ZNF648: variants seen among roughly 807,000 people sequenced by gnomAD.
The protein encoded by ZNF648 is zinc finger protein 648.
A neutral mutation model predicts 0.3 loss-of-function variants in ZNF648; 1 was observed. The ratio of observed to expected loss-of-function variants is 3.90; its 90% CI spans 1.39 to 18.51. The LOEUF is 18.51. Ranked by LOEUF, ZNF648 falls within the 30% of genes most tolerant of loss-of-function variation. ZNF648 has a pLI of 0.11. For synonymous variants in ZNF648, 376 were observed against 326.8 expected (o/e 1.15, Z -1.62); for missense variants, 874 against 769.7 (o/e 1.14, Z -1.60).
chr1:182,063,423 G>A (rs1200889054), upstream of ZNF648: 1 of 152,162 alleles, frequency 6.6e-6, no homozygotes, highest in Non-Finnish European at 1.5e-5. Flanking sequence ...GTATCTCATT[G>A]TGGTTTTAAT....
chr1:182,066,018 G>A (rs570652685), upstream of ZNF648, among the ~76,000 whole-genome samples: 142 of 152,328 alleles, frequency 9.3e-4, no homozygotes, highest in African/African-American at 3.3e-3. Flanking sequence ...CCTGCTTTTA[G>A]GAACTTCTGA....
chr1:182,056,513 C>T lies in ZNF648; in HGVS notation c.1498G>A (p.Gly500Arg), dbSNP rs751491498. 4.0e-5 allele frequency: 64 copies of T among 1,613,676 alleles called. No individual in the cohort carries two copies. The highest frequency in any genetic ancestry group is 4.3e-5 in the Non-Finnish European group (51 of 1,179,904). The change falls in exon 2 of 2, where the codon GGG (glycine) becomes AGG (arginine). Residue 500 changes from glycine to arginine, a missense_variant. Coordinates refer to ENST00000339948, the MANE Select transcript of ZNF648 (RefSeq NM_001009992.1). Reference sequence around the variant, plus strand: ...TCGGCACAGAGGAATCCCTTCTCCCCGGAGTGGATCTGTTGGTGCCGCTTC... The same window carrying T: ...TCGGCACAGAGGAATCCCTTCTCCCTGGAGTGGATCTGTTGGTGCCGCTTC... ...TLKRHQQIHS[G>R]EKGFLCAECG...
chr1:182,062,094 CA>C (rs1666039351), upstream of ZNF648, among the ~76,000 whole-genome samples: 1 of 152,170 alleles, frequency 6.6e-6, no homozygotes, highest in African/African-American at 2.4e-5. Context: ...CCACCTTTTG[CA>C]GGACTGTGAG....
chr1:182,066,244 T>C (rs10911010), upstream of ZNF648, among the ~76,000 whole-genome samples: 20,998 of 152,152 alleles, frequency 0.14, 1,624 homozygotes, highest in East Asian at 0.28. Context: ...GAGAAGGGCA[T>C]TTGATGGGCA....
chr1:182,059,344 T>G (rs1483743124), intron 1 of ZNF648, among the ~76,000 whole-genome samples: 1 of 152,138 alleles, frequency 6.6e-6, no homozygotes, highest in African/African-American at 2.4e-5. Context: ...CTTGAAGACA[T>G]GGAGAAAGCC....
intron 1 of ZNF648, among the ~76,000 whole-genome samples, chr1:182,060,466 C>T (rs1448146248): frequency 6.6e-6 from 1 of 152,156 alleles, no homozygotes; most frequent in African/African-American, 2.4e-5. Flanking sequence ...TGGAGGAATC[C>T]TCACTTTCTG....
At chr1:182,063,868 G>A (rs1165201209), upstream of ZNF648, 1 of 152,070 alleles carries the variant, frequency 6.6e-6, no homozygotes, top group Admixed American at 6.6e-5. Context: ...TTCATCTAGT[G>A]TTAATTTTTG....
chr1:182,057,148 T>A lies in ZNF648; in HGVS notation c.863A>T (p.Tyr288Phe). The A allele has an allele frequency of 6.2e-7, 1 of 1,602,098 alleles. No homozygotes were observed. The highest frequency in any genetic ancestry group is 8.5e-7 in the Non-Finnish European group (1 of 1,178,724). ...CTGCTGGAGTGTGCCGCGGTGGGAG[T>A]AGGCCTTCCCGCATAGCTCGCACGC... ...RYACELCGKA[Y>F]SHRGTLQQHR... Residue 288 changes from tyrosine (Y) to phenylalanine (F), a missense_variant, in exon 2 of 2, where the codon TAC becomes TTC. Coordinates refer to ENST00000339948, the MANE Select transcript of ZNF648 (RefSeq NM_001009992.1).
At position 182,057,478 on chromosome 1, in the gene ZNF648, T is replaced by C. The variant is rs368722558; in HGVS notation, c.533A>G (p.Lys178Arg). 9.9e-6 allele frequency: 16 copies of C among 1,614,104 alleles called. No homozygotes were observed. The highest frequency in any genetic ancestry group is 3.3e-5 in the Admixed American group (2 of 60,012). The change falls in exon 2 of 2, where the codon AAA (lysine) becomes AGA (arginine). Residue 178 changes from lysine (K) to arginine (R), a missense_variant. Transcript: ENST00000339948. Reference protein sequence around the residue: ...PSNGKYLCAHKSVDTSAGNSS... With the variant: ...PSNGKYLCAHRSVDTSAGNSS... ...GTTCCCTGCGGACGTGTCTACACTT[T>C]TGTGCGCACAGAGATACTTTCCATT...
chr1:182,056,487 CT>C lies in ZNF648; in HGVS notation c.1523del (p.Glu508GlyfsTer109). On this transcript the variant is annotated frameshift_variant, in exon 2 of 2. Transcript: ENST00000339948. LOFTEE classifies it low-confidence loss of function (END_TRUNC). ...HSGEKGFLCAECGRAFRIASE... is the reference protein window; with the variant it reads ...HSGEKGFLCAXCGRAFRIASE... Reference sequence around the variant, plus strand: ...AGGCAATGCGGAAGGCCCTGCCGCACTCGGCACAGAGGAATCCCTTCTCCCC... The same window carrying C: ...AGGCAATGCGGAAGGCCCTGCCGCACCGGCACAGAGGAATCCCTTCTCCCC... The C allele has an allele frequency of 6.2e-7, 1 of 1,613,984 alleles. No individual in the cohort carries two copies. Among genetic ancestry groups the C allele is most frequent in the African/African-American group, 1.3e-5 (1 of 75,070 alleles).
chr1:182,066,431 C>T (rs1028425139), upstream of ZNF648, among the ~76,000 whole-genome samples: 5 of 152,236 alleles, frequency 3.3e-5, no homozygotes, highest in African/African-American at 1.2e-4. Flanking sequence ...GTGAGGTATA[C>T]TATCTAATCT....
chr1:182,060,499 T>C (rs1001898055), intron 1 of ZNF648, among the ~76,000 whole-genome samples: 1 of 152,104 alleles, frequency 6.6e-6, no homozygotes, highest in African/African-American at 2.4e-5. Context: ...AAGCCATGGA[T>C]GGAGGGAGGA....
Position 182,056,749 on chromosome 1 carries a change from G to A in ZNF648, c.1262C>T (p.Pro421Leu), listed in dbSNP as rs1471972524. ...QRVHSGERPF[P>L]CPTCGKCFTK... ...GAAGCACTTGCCGCAGGTGGGGCAG[G>A]GGAAGGGCCGCTCGCCCGAGTGCAC... The change falls in exon 2 of 2, where the codon CCC (proline) becomes CTC (leucine). Residue 421 changes from proline to leucine, a missense_variant. Pro to Leu is a moderately conservative substitution (Grantham distance 98, BLOSUM62 -3). Coordinates refer to ENST00000339948, the MANE Select transcript of ZNF648 (RefSeq NM_001009992.1). The A allele has an allele frequency of 8.9e-6, 14 of 1,572,248 alleles. No homozygotes were observed. In the South Asian group the frequency reaches 1.2e-4, roughly 13 times the overall value.
chr1:182,057,114 G>C lies in ZNF648; in HGVS notation c.897C>G (p.Arg299=), dbSNP rs984760370. The C allele has an allele frequency of 3.7e-6, 6 of 1,608,818 alleles. No individual in the cohort carries two copies. The part of the protein sequence containing the change: ...SHRGTLQQHR[R]LHTGERPYQC... Reference sequence around the variant, plus strand: ...GGTAGGGCCGCTCGCCCGTGTGCAGGCGCCTGTGCTGCTGGAGTGTGCCGC... The same window carrying C: ...GGTAGGGCCGCTCGCCCGTGTGCAGCCGCCTGTGCTGCTGGAGTGTGCCGC... Residue 299 remains arginine (R), a synonymous_variant, in exon 2 of 2, where the codon CGC becomes CGG. Coordinates refer to ENST00000339948, the MANE Select transcript of ZNF648 (RefSeq NM_001009992.1).
At chr1:182,060,154 T>C (rs949328543) in intron 1 of ZNF648, among the ~76,000 whole-genome samples, 7 of 152,208 alleles carry the variant, frequency 4.6e-5, no homozygotes, top group African/African-American at 1.7e-4. Flanking sequence ...CCTGCTTTCA[T>C]TGACCCAGAT....
upstream of ZNF648, chr1:182,063,717 C>G (rs1189958485): frequency 6.6e-6 from 1 of 152,216 alleles, no homozygotes; most frequent in Non-Finnish European, 1.5e-5. Context: ...TTAATTCGAT[C>G]CCATTTGTCA....
At chr1:182,059,682 C>A (rs904983580) in intron 1 of ZNF648, among the ~76,000 whole-genome samples, 2 of 151,424 alleles carry the variant, frequency 1.3e-5, no homozygotes, top group East Asian at 3.9e-4. Flanking sequence ...CTGGCTAACA[C>A]GGTGAAACCC....
Position 182,057,075 on chromosome 1 carries a change from G to A in ZNF648, c.936C>T (p.Cys312=), listed in dbSNP as rs1274093218. 1.9e-6 allele frequency: 3 copies of A among 1,612,692 alleles called. No homozygotes were observed. Among genetic ancestry groups the A allele is most frequent in the African/African-American group, 2.7e-5 (2 of 74,988 alleles). ...CGGAGGACCAGGTGTAGGCCTTGTC[G>A]CAGAAGGAGCACTGGTAGGGCCGCT... is the stretch of plus-strand genomic sequence containing the variant. ...TGERPYQCSF[C]DKAYTWSSDH... is the part of the protein sequence containing the mutation. The change falls in exon 2 of 2, where the codon TGC becomes TGT. Residue 312 remains cysteine (C), a synonymous_variant. Transcript: ENST00000339948.
chr1:182,067,557 T>G, the ZNF648 span, among the ~76,000 whole-genome samples: 1 of 152,140 alleles, frequency 6.6e-6, no homozygotes, highest in Non-Finnish European at 1.5e-5. Flanking sequence ...TGGAACCTTT[T>G]CCTCAAACTT....
Sources: gnomAD v4.1 joint callset for allele counts (sites outside exome capture counted in the v4.1 genomes callset) on GRCh38, gnomAD v4.1.1 for gene constraint, MANE v1.5 for transcripts, NCBI Gene and HGNC (gene_info 2026-07-23, HGNC 2026-07-21) for gene names.